LRRC53: variants seen among roughly 807,000 people sequenced by gnomAD.
LRRC53 encodes leucine-rich repeat-containing protein 53.
In LRRC53, 25 loss-of-function variants were observed where a neutral mutation model predicts 13.6. The observed-to-expected ratio is 1.83, with a 90% CI of 1.34 to 2.56. The LOEUF is 2.56. Among genes scored for constraint, LRRC53 ranks in the 30% most tolerant of loss-of-function variants. The probability of loss-of-function intolerance (pLI) is 0.00; values close to 1 mark genes in which losing one functional copy is unlikely to be tolerated. For synonymous variants in LRRC53, 204 were observed against 109.8 expected (o/e 1.86, Z -5.37); for missense variants, 527 against 275.8 (o/e 1.91, Z -6.45).
chr1:74,478,564 G>GA (rs1489798028), intron 3 of LRRC53, among the ~76,000 whole-genome samples: 1 of 151,906 alleles, frequency 6.6e-6, no homozygotes, highest in Non-Finnish European at 1.5e-5. Flanking sequence ...AATCCTCTAT[G>GA]AAAAAAAGGG....
chr1:74,492,268 T>G, intron 1 of LRRC53: 1 of 1,530,032 alleles, frequency 6.5e-7, no homozygotes, highest in Non-Finnish European at 8.9e-7. Context: ...GTCCCAAAGG[T>G]GAGTGGTAAT....
intron 1 of LRRC53, among the ~76,000 whole-genome samples, chr1:74,494,124 G>A (rs778302775): frequency 8.6e-5 from 13 of 152,014 alleles, no homozygotes; most frequent in East Asian, 1.9e-4. Context: ...ATCTTTCTCC[G>A]TCCACGTGAG....
At chr1:74,506,585 C>T (rs1669912936) in intron 1 of LRRC53, among the ~76,000 whole-genome samples, 1 of 152,208 alleles carries the variant, frequency 6.6e-6, no homozygotes, top group South Asian at 2.1e-4. Context: ...GCTTGCTATT[C>T]AAGCTGTGAC....
rs61729318 is a variant in LRRC53, at chr1:74,480,596, G to C, written c.461C>G (p.Thr154Arg). The change falls in exon 3 of 5, where the codon ACG (threonine) becomes AGG (arginine). Residue 154 changes from threonine (T) to arginine (R), a missense_variant. Thr to Arg is a moderately conservative substitution (Grantham distance 71). Coordinates refer to ENST00000294635, the MANE Select transcript of LRRC53 (RefSeq NM_001382280.1). ...CAGATACCTGAGACTGTGGAGATTC[G>C]TGCCTCCGAAAGAACTGTCTGTGAG... ...TNLTDSSFGG[T>R]NLHSLRYLDL... is the part of the protein sequence containing the mutation. The C allele has an allele frequency of 2.1e-5, 15 of 717,218 alleles. No homozygotes were observed. The South Asian group carries it at 2.2e-4, about 11-fold the overall frequency. 44.4% of individuals were successfully genotyped at this position (717,218 alleles called of 1,614,324 possible).
chr1:74,490,271 G>A (rs1305090900), intron 1 of LRRC53, among the ~76,000 whole-genome samples: 1 of 152,150 alleles, frequency 6.6e-6, no homozygotes, highest in Non-Finnish European at 1.5e-5. Context: ...AAAGTGGGGA[G>A]AAGTAGTCAT....
At chr1:74,482,537 T>C (rs1273145092) in intron 2 of LRRC53, among the ~76,000 whole-genome samples, 1 of 152,192 alleles carries the variant, frequency 6.6e-6, no homozygotes, top group Non-Finnish European at 1.5e-5. Context: ...GGTGACAACA[T>C]CTACCTCCTA....
chr1:74,506,393 G>A (rs537298253), intron 1 of LRRC53, among the ~76,000 whole-genome samples: 2 of 152,240 alleles, frequency 1.3e-5, no homozygotes, highest in African/African-American at 4.8e-5. Flanking sequence ...TAAACAGCAG[G>A]GCCAAGATTT....
chr1:74,492,610 A>G (rs1669137374), intron 1 of LRRC53, among the ~76,000 whole-genome samples: 1 of 152,184 alleles, frequency 6.6e-6, no homozygotes, highest in Non-Finnish European at 1.5e-5. Context: ...TGAGGATCTG[A>G]GCAACAGAAG....
At chr1:74,516,743 C>A (rs1646353713), upstream of LRRC53, among the ~76,000 whole-genome samples, 1 of 152,150 alleles carries the variant, frequency 6.6e-6, no homozygotes, top group South Asian at 2.1e-4. Flanking sequence ...AGCATTATTT[C>A]TCCAGTAGTA....
At chr1:74,492,259 T>A in intron 1 of LRRC53, 1 of 1,555,022 alleles carries the variant, frequency 6.4e-7, no homozygotes, top group Non-Finnish European at 8.8e-7. Context: ...TGCTGCTTTG[T>A]CCCAAAGGTG....
intron 3 of LRRC53, among the ~76,000 whole-genome samples, chr1:74,476,188 G>T (rs556542269): frequency 2.5e-4 from 38 of 152,042 alleles, no homozygotes; most frequent in Non-Finnish European, 4.7e-4. Flanking sequence ...TCTAATCTCA[G>T]ACTGCCTGGT....
chr1:74,500,011 A>G (rs1018641050), intron 1 of LRRC53, among the ~76,000 whole-genome samples: 1 of 151,794 alleles, frequency 6.6e-6, no homozygotes, highest in African/African-American at 2.4e-5. Flanking sequence ...AATATGAGCT[A>G]TATTTCTATT....
At chr1:74,511,623 C>G (rs1010869581) in intron 1 of LRRC53, among the ~76,000 whole-genome samples, 1 of 151,806 alleles carries the variant, frequency 6.6e-6, no homozygotes, top group Non-Finnish European at 1.5e-5. Flanking sequence ...TATTGGACAC[C>G]CAATGATGGA....
Position 74,470,835 on chromosome 1 carries a change from T to A in LRRC53, c.2787A>T (p.Thr929=), listed in dbSNP as rs143941686. The A allele has an allele frequency of 2.5e-6, 1 of 400,572 alleles. No homozygotes were observed. The highest frequency in any genetic ancestry group is 2.1e-5 in the African/African-American group (1 of 48,686). The allele number at this position is 400,572 out of a possible 1,614,324, so 24.8% of individuals were successfully genotyped here. The change falls in exon 5 of 5, where the codon ACA becomes ACT. Residue 929 remains threonine, a synonymous_variant. Coordinates refer to ENST00000294635, the MANE Select transcript of LRRC53 (RefSeq NM_001382280.1). ...NQFSLSPRNQ[T]QLLDAHKTDS... The stretch of plus-strand genomic sequence containing the variant: ...CAGTCTTGTGAGCATCTAAAAGTTG[T>A]GTTTGATTCCTCGGGGACAAAGAAA...
At chr1:74,497,899 G>A (rs183430075) in intron 1 of LRRC53, among the ~76,000 whole-genome samples, 13 of 152,176 alleles carry the variant, frequency 8.5e-5, no homozygotes, top group Admixed American at 5.9e-4. Flanking sequence ...TTCATCATAC[G>A]TTCCAGTGGT....
At chr1:74,509,563 A>G (rs1425613650) in intron 1 of LRRC53, among the ~76,000 whole-genome samples, 1 of 152,122 alleles carries the variant, frequency 6.6e-6, no homozygotes, top group African/African-American at 2.4e-5. Flanking sequence ...ATAATATTTT[A>G]TCAGATTAAC....
At chr1:74,518,697 A>G in the LRRC53 span, among the ~76,000 whole-genome samples, 1 of 152,072 alleles carries the variant, frequency 6.6e-6, no homozygotes, top group Non-Finnish European at 1.5e-5. Context: ...TTTAAGCTCA[A>G]AATTATTATA....
At chr1:74,518,340 C>T in the LRRC53 span, among the ~76,000 whole-genome samples, 1 of 152,112 alleles carries the variant, frequency 6.6e-6, no homozygotes, top group Non-Finnish European at 1.5e-5. Flanking sequence ...TCCACATAGC[C>T]TCTTACTGTT....
upstream of LRRC53, among the ~76,000 whole-genome samples, chr1:74,513,076 GGGATT>G (rs1483637687): frequency 6.6e-6 from 1 of 152,130 alleles, no homozygotes; most frequent in East Asian, 1.9e-4. Context: ...ACAAAGTCAA[GGGATT>G]CTGTTGTTAG....
Sources: gnomAD v4.1 joint callset for allele counts (sites outside exome capture counted in the v4.1 genomes callset) on GRCh38, gnomAD v4.1.1 for gene constraint, MANE v1.5 for transcripts, NCBI Gene and HGNC (gene_info 2026-07-23, HGNC 2026-07-21) for gene names.